The following PPARGC1A variants were observed in gnomAD, a reference collection of about 807,000 sequenced individuals.
PPARGC1A encodes PPARG coactivator 1 alpha.
In PPARGC1A, 25 loss-of-function variants were observed where a neutral mutation model predicts 88.7. The ratio of observed to expected loss-of-function variants is 0.28; its 90% CI spans 0.21 to 0.39. The LOEUF is 0.39. PPARGC1A is among the 10% of genes least tolerant of loss of function. The pLI is 1.00. For synonymous variants in PPARGC1A, 363 were observed against 355.6 expected, an observed-to-expected ratio of 1.02 and a Z score of -0.24; for missense variants, 880 against 968.7, an observed-to-expected ratio of 0.91 and a Z score of 1.22.
chr4:24,270,034 C>T, the PPARGC1A span, among the ~76,000 whole-genome samples: 1 of 152,156 alleles, frequency 6.6e-6, no homozygotes, highest in East Asian at 1.9e-4. Flanking sequence ...ATAAAGTTAA[C>T]ATTTGAATCA....
At chr4:23,959,441 A>G in the PPARGC1A span, among the ~76,000 whole-genome samples, 6 of 152,096 alleles carry the variant, frequency 3.9e-5, no homozygotes, top group Admixed American at 6.6e-5. Flanking sequence ...AACCTTCTCA[A>G]TTGACCAGTA....
the PPARGC1A span, among the ~76,000 whole-genome samples, chr4:24,252,263 C>T: frequency 1.3e-5 from 2 of 152,162 alleles, no homozygotes; most frequent in African/African-American, 2.4e-5. Flanking sequence ...AAAAACCAGA[C>T]TCCTGAGCCC....
the PPARGC1A span, among the ~76,000 whole-genome samples, chr4:24,161,218 G>A: frequency 6.6e-6 from 1 of 152,116 alleles, no homozygotes; most frequent in African/African-American, 2.4e-5. Flanking sequence ...TAAAACACTC[G>A]AATCTCAATG....
rs117941512 is a variant in PPARGC1A at position 23,874,279 on chromosome 4, G to T, written c.234+10473C>A. 7.8e-3 allele frequency among the ~76,000 whole-genome samples: 1,187 copies of T among 152,310 alleles called. 37 individuals carry two copies. The East Asian group carries it at 0.11, about 14-fold the overall frequency. On this transcript the variant is annotated intron_variant, in intron 2 of 12. Transcript: ENST00000264867. ...AGAAGTGGCAATTTATAGCTTGGTT[G>T]TTTGTGTTCTGATGAAGTCCAAATG...
chr4:24,393,951 T>C, the PPARGC1A span, among the ~76,000 whole-genome samples: 1 of 152,170 alleles, frequency 6.6e-6, no homozygotes, highest in Non-Finnish European at 1.5e-5. Flanking sequence ...AGACCCTGTT[T>C]CTACAAAAAA....
the PPARGC1A span, among the ~76,000 whole-genome samples, chr4:24,399,667 A>C: frequency 6.6e-6 from 1 of 152,332 alleles, no homozygotes; most frequent in East Asian, 1.9e-4. Context: ...TATATTAACA[A>C]AATACGAACA....
chr4:24,222,144 A>G, the PPARGC1A span, among the ~76,000 whole-genome samples: 1 of 152,212 alleles, frequency 6.6e-6, no homozygotes, highest in Admixed American at 6.5e-5. Flanking sequence ...AGGCTAAAAA[A>G]TGTGCTTTCA....
chr4:23,941,395 C>T, the PPARGC1A span, among the ~76,000 whole-genome samples: 1 of 151,960 alleles, frequency 6.6e-6, no homozygotes, highest in East Asian at 1.9e-4. Flanking sequence ...AATGGATTAA[C>T]CAAACTATTT....
the PPARGC1A span, among the ~76,000 whole-genome samples, chr4:24,321,639 T>C: frequency 2.0e-5 from 3 of 152,238 alleles, no homozygotes; most frequent in African/African-American, 7.2e-5. Flanking sequence ...TAAGGCAATA[T>C]TTGTCAGAAG....
At chr4:24,140,879 C>T in the PPARGC1A span, among the ~76,000 whole-genome samples, 1 of 152,180 alleles carries the variant, frequency 6.6e-6, no homozygotes, top group African/African-American at 2.4e-5. Flanking sequence ...ATCAGCTCCT[C>T]CCCAAAAGAG....
the PPARGC1A span, among the ~76,000 whole-genome samples, chr4:23,987,786 A>T: frequency 6.6e-6 from 1 of 151,902 alleles, no homozygotes; most frequent in African/African-American, 2.4e-5. Context: ...TTATCTACAG[A>T]TGCCTTTATT....
the PPARGC1A span, among the ~76,000 whole-genome samples, chr4:24,250,327 A>T: frequency 3.9e-5 from 6 of 152,214 alleles, no homozygotes; most frequent in South Asian, 1.2e-3. Flanking sequence ...TTAGCTTCAA[A>T]TAAGTTGATA....
chr4:24,467,747 G>T, the PPARGC1A span, among the ~76,000 whole-genome samples: 1 of 151,964 alleles, frequency 6.6e-6, no homozygotes, highest in Admixed American at 6.6e-5. Context: ...CTTCTACCTT[G>T]CTGGAGAAGA....
chr4:23,800,507 A>G (rs1718468687), intron 12 of PPARGC1A, among the ~76,000 whole-genome samples: 2 of 151,734 alleles, frequency 1.3e-5, no homozygotes, highest in South Asian at 4.1e-4. Flanking sequence ...ACAACCATTA[A>G]AGTATGTTAA....
chr4:24,269,615 A>G, the PPARGC1A span, among the ~76,000 whole-genome samples: 1 of 152,164 alleles, frequency 6.6e-6, no homozygotes. Context: ...ATTACTTAGC[A>G]TGTAGTCTTT....
chr4:23,844,725 TATAATATATGATATATC>T lies in PPARGC1A; in HGVS notation c.235-12991_235-12975del, dbSNP rs1157289590. On this transcript the variant is annotated intron_variant, in intron 2 of 12. Transcript: ENST00000264867. ...TATCATAATATATGATATATATTATTATAATATATGATATATCATAATATATGATATATATTATAATA... is the reference window on the plus strand; with the variant it reads ...TATCATAATATATGATATATATTATTATAATATATGATATATATTATAATA... 1.5e-3 allele frequency among the ~76,000 whole-genome samples: 133 copies of T among 90,498 alleles called. 3 individuals are homozygous for T. The highest frequency in any genetic ancestry group is 3.1e-3 in the South Asian group (10 of 3,182). 59.4% of individuals were successfully genotyped at this position (90,498 alleles called of 152,430 possible).
At chr4:24,419,851 A>G in the PPARGC1A span, among the ~76,000 whole-genome samples, 1 of 152,336 alleles carries the variant, frequency 6.6e-6, no homozygotes, top group East Asian at 1.9e-4. Flanking sequence ...TTAGGTTTTC[A>G]TGTCCAAATG....
the PPARGC1A span, among the ~76,000 whole-genome samples, chr4:24,322,007 T>C: frequency 3.0e-4 from 46 of 152,352 alleles, no homozygotes; most frequent in African/African-American, 1.1e-3. Context: ...CATGGATTAA[T>C]GGAGAACACT....
the PPARGC1A span, among the ~76,000 whole-genome samples, chr4:23,999,343 G>T: frequency 2.0e-3 from 309 of 152,300 alleles, 5 homozygotes; most frequent in African/African-American, 6.8e-3. Flanking sequence ...AAGCTGAATC[G>T]TACAACAGCT....
Sources: gnomAD v4.1 joint callset for allele counts (sites outside exome capture counted in the v4.1 genomes callset) on GRCh38, gnomAD v4.1.1 for gene constraint, MANE v1.5 for transcripts, NCBI Gene and HGNC (gene_info 2026-07-23, HGNC 2026-07-21) for gene names.